The following CSMD1 variants were observed in gnomAD, a reference collection of about 807,000 sequenced individuals.
CSMD1 encodes CUB and Sushi multiple domains 1.
A neutral mutation model predicts 417.5 loss-of-function variants in CSMD1; 213 were observed. The ratio of observed to expected loss-of-function variants is 0.51; its 90% CI spans 0.46 to 0.57. The LOEUF (loss-of-function observed/expected upper bound fraction) is 0.57. Among genes scored for constraint, CSMD1 ranks in the 20% least tolerant of loss-of-function variants. The pLI, the probability that CSMD1 is intolerant of heterozygous loss-of-function variation, is 0.00. For synonymous variants in CSMD1, 2,862 were observed against 1,736.8 expected (o/e 1.65, Z -16.11); for missense variants, 6,923 against 4,529.7 (o/e 1.53, Z -15.17).
At chr8:3,338,754 C>T (rs1345204801) in intron 23 of CSMD1, among the ~76,000 whole-genome samples, 1 of 151,152 alleles carries the variant, frequency 6.6e-6, no homozygotes, top group African/African-American at 2.4e-5. Context: ...TACAAAGTTG[C>T]CATATGGAAT....
At chr8:4,190,960 G>T (rs547959028) in intron 3 of CSMD1, among the ~76,000 whole-genome samples, 2 of 151,846 alleles carry the variant, frequency 1.3e-5, no homozygotes, top group Admixed American at 6.6e-5. Context: ...GAGTGGGGGG[G>T]GCGGGGAAGG....
intron 10 of CSMD1, among the ~76,000 whole-genome samples, chr8:3,507,522 T>C (rs1796878958): frequency 6.6e-6 from 1 of 152,194 alleles, no homozygotes; most frequent in African/African-American, 2.4e-5. Context: ...ATATACCTAG[T>C]AATGGGATTG....
At chr8:3,391,059 G>A (rs1021224076) in intron 17 of CSMD1, among the ~76,000 whole-genome samples, 5 of 152,160 alleles carry the variant, frequency 3.3e-5, no homozygotes, top group Non-Finnish European at 4.4e-5. Context: ...GTGTGCCTGT[G>A]AGTGTTAGCA....
At chr8:3,821,505 G>C (rs534837335) in intron 5 of CSMD1, among the ~76,000 whole-genome samples, 3 of 99,168 alleles carry the variant, frequency 3.0e-5, no homozygotes, top group African/African-American at 9.6e-5. Context: ...ACCAGGAGCT[G>C]GGTGCGGTGG....
intron 42 of CSMD1, among the ~76,000 whole-genome samples, chr8:3,118,076 G>A (rs557671751): frequency 1.3e-5 from 2 of 152,196 alleles, no homozygotes; most frequent in East Asian, 1.9e-4. Flanking sequence ...AAAGCTGAAC[G>A]CTGCTGACTT....
intron 3 of CSMD1, among the ~76,000 whole-genome samples, chr8:4,101,459 C>G (rs779458877): frequency 1.1e-4 from 17 of 152,128 alleles, no homozygotes; most frequent in Non-Finnish European, 1.6e-4. Context: ...CTGACACTGT[C>G]AAAACAAAAG....
At chr8:3,510,144 C>A (rs577942264) in intron 10 of CSMD1, among the ~76,000 whole-genome samples, 2 of 149,408 alleles carry the variant, frequency 1.3e-5, no homozygotes, top group African/African-American at 5.2e-5. Flanking sequence ...GAATACATAT[C>A]TGTGTATATG....
chr8:4,196,367 C>G (rs576701835), intron 3 of CSMD1, among the ~76,000 whole-genome samples: 1 of 152,152 alleles, frequency 6.6e-6, no homozygotes, highest in African/African-American at 2.4e-5. Context: ...ACTTTTAGTT[C>G]TGTAGGTCTG....
intron 3 of CSMD1, among the ~76,000 whole-genome samples, chr8:4,379,568 T>C (rs1367671120): frequency 1.3e-5 from 2 of 152,220 alleles, no homozygotes; most frequent in Non-Finnish European, 2.9e-5. Flanking sequence ...TTTTGTGGTG[T>C]CTAAAATTAT....
intron 46 of CSMD1, among the ~76,000 whole-genome samples, chr8:3,106,188 C>G (rs906707787): frequency 6.8e-6 from 1 of 147,844 alleles, no homozygotes; most frequent in African/African-American, 2.5e-5. Flanking sequence ...AAGTTCAAGA[C>G]CAGCCTGGGT....
intron 3 of CSMD1, among the ~76,000 whole-genome samples, chr8:4,231,028 T>C (rs1247491396): frequency 1.3e-5 from 2 of 152,198 alleles, no homozygotes; most frequent in Non-Finnish European, 2.9e-5. Context: ...GAGCAAAAAC[T>C]ATCCAACTTG....
intron 54 of CSMD1, among the ~76,000 whole-genome samples, chr8:2,985,514 T>C (rs149049764): frequency 2.4e-4 from 37 of 152,240 alleles, no homozygotes; most frequent in Middle Eastern, 3.4e-3. Context: ...AAAGGTTCTA[T>C]ACAAAGTCAC....
chr8:4,809,791 C>A (rs1324183313), intron 1 of CSMD1, among the ~76,000 whole-genome samples: 1 of 152,134 alleles, frequency 6.6e-6, no homozygotes. Flanking sequence ...TTGAAATATA[C>A]TGTGTATTTT....
At chr8:4,505,055 A>C (rs1487301640) in intron 2 of CSMD1, among the ~76,000 whole-genome samples, 5 of 152,210 alleles carry the variant, frequency 3.3e-5, no homozygotes, top group African/African-American at 1.2e-4. Context: ...AGGAACTGCC[A>C]CACTGTCTTC....
intron 26 of CSMD1, among the ~76,000 whole-genome samples, chr8:3,268,426 C>G (rs1384966181): frequency 6.7e-6 from 1 of 150,252 alleles, no homozygotes; most frequent in Admixed American, 6.7e-5. Flanking sequence ...GTAACTGGGA[C>G]TACAGGTGCC....
chr8:4,367,993 G>C (rs1401460178), intron 3 of CSMD1, among the ~76,000 whole-genome samples: 1 of 152,010 alleles, frequency 6.6e-6, no homozygotes. Flanking sequence ...TACATTGTCA[G>C]TGAAGTGAGA....
chr8:3,170,947 G>A (rs562424364), intron 37 of CSMD1, among the ~76,000 whole-genome samples: 19 of 152,218 alleles, frequency 1.2e-4, no homozygotes, highest in Admixed American at 3.3e-4. Flanking sequence ...ATAATAAAGC[G>A]GGCACACAAT....
chr8:4,813,900 C>G (rs1255139535), intron 1 of CSMD1, among the ~76,000 whole-genome samples: 2 of 152,110 alleles, frequency 1.3e-5, no homozygotes, highest in African/African-American at 4.8e-5. Context: ...ACAAGTAGGT[C>G]AATCTACTCT....
intron 5 of CSMD1, among the ~76,000 whole-genome samples, chr8:3,987,451 T>G (rs991417032): frequency 6.6e-6 from 1 of 152,236 alleles, no homozygotes; most frequent in African/African-American, 2.4e-5. Flanking sequence ...GGTTTCTGAC[T>G]TTTACTTTCA....
Sources: gnomAD v4.1 joint callset for allele counts (sites outside exome capture counted in the v4.1 genomes callset) on GRCh38, gnomAD v4.1.1 for gene constraint, MANE v1.5 for transcripts, NCBI Gene and HGNC (gene_info 2026-07-23, HGNC 2026-07-21) for gene names.